HOXC4: variants seen among roughly 807,000 people sequenced by gnomAD.
HOXC4 encodes homeobox C4.
HOXC4 carries 15 observed loss-of-function variants against 25.5 expected under a neutral mutation model. The observed-to-expected ratio is 0.59, with a 90% confidence interval of 0.39 to 0.91. HOXC4 has a LOEUF of 0.91. Ranked by LOEUF, HOXC4 falls within the 40% of genes least tolerant of loss-of-function variation. The pLI is 0.00. For synonymous variants in HOXC4, 165 were observed against 148.0 expected (o/e 1.11, Z -0.83); for missense variants, 342 against 352.4 (o/e 0.97, Z 0.24).
chr12:54,055,228 C>T lies in HOXC4; in HGVS notation c.*23C>T. 2 of 1,325,132 alleles carry T rather than the reference C, an allele frequency of 1.5e-6. No homozygotes were observed. Among genetic ancestry groups the T allele is most frequent in the East Asian group, 2.6e-5 (1 of 38,904 alleles). The allele number at this position is 1,325,132 out of a possible 1,614,324, so 82.1% of individuals were successfully genotyped here. A position where few individuals can be genotyped will look rare whatever the true frequency, so the allele number is the denominator to read the frequency against. On this transcript the variant is annotated 3_prime_UTR_variant, in exon 2 of 2. Transcript: ENST00000430889. ...TAAAACATAACTCACACCCCTGCCCCCACCCCATGCCCCCACCCTCCCCTC... is the reference window on the plus strand; with the variant it reads ...TAAAACATAACTCACACCCCTGCCCTCACCCCATGCCCCCACCCTCCCCTC...
chr12:54,054,156 G>T lies in HOXC4; in HGVS notation c.234G>T (p.Ser78=), dbSNP rs756786325. Residue 78 remains serine, a synonymous_variant, in exon 1 of 2, where the codon TCG becomes TCT. Coordinates refer to ENST00000430889, the MANE Select transcript of HOXC4 (RefSeq NM_153633.3). ...SCTSLQGPGN[S]RGHGPAQAGH... is the part of the protein sequence containing the mutation. ...CCAGTCTCCAGGGGCCCGGCAATTCGCGAGGCCACGGGCCGGCCCAGGCGG... is the reference window on the plus strand; with the variant it reads ...CCAGTCTCCAGGGGCCCGGCAATTCTCGAGGCCACGGGCCGGCCCAGGCGG... 6.2e-7 allele frequency: 1 copy of T among 1,613,832 alleles called. No homozygotes were observed.
intron 1 of HOXC4, among the ~76,000 whole-genome samples, chr12:54,026,973 G>GA (rs1299383703): frequency 0.03 from 4,192 of 140,798 alleles, 212 homozygotes; most frequent in African/African-American, 0.099. Flanking sequence ...GTGGGGGGGG[G>GA]GGGATATGAG....
intron 1 of HOXC4, among the ~76,000 whole-genome samples, chr12:54,025,385 T>A (rs897126259): frequency 6.6e-6 from 1 of 151,964 alleles, no homozygotes; most frequent in South Asian, 2.1e-4. Context: ...AAAAAGAAAA[T>A]ATAATCCAAT....
rs1284432602 is a variant in HOXC4, at chr12:54,034,366, T to C, written c.-124+16952T>C. 7 of 1,614,230 alleles carry C rather than the reference T, an allele frequency of 4.3e-6. No homozygotes were observed. In the South Asian group the frequency reaches 7.7e-5, roughly 18 times the overall value. ...AATTCCACTTTAACCGCTACCTCAC[T>C]CGCCGCAGGCGCATAGAGATCGCCA... On this transcript the variant is annotated intron_variant, in intron 1 of 3. Coordinates refer to the HOXC4 transcript ENST00000303406.
chr12:54,050,960 C>A (rs1937830621), upstream of HOXC4, among the ~76,000 whole-genome samples: 1 of 152,076 alleles, frequency 6.6e-6, no homozygotes, highest in Non-Finnish European at 1.5e-5. Flanking sequence ...CATCTGAACC[C>A]TCTGTGTCTA....
chr12:54,035,881 G>C (rs552474341), intron 1 of HOXC4, among the ~76,000 whole-genome samples: 1 of 152,176 alleles, frequency 6.6e-6, no homozygotes, highest in Non-Finnish European at 1.5e-5. Context: ...TGGGAGAGTT[G>C]GAGGAGGTGT....
intron 1 of HOXC4, chr12:54,029,017 C>A: frequency 8.3e-7 from 1 of 1,207,956 alleles, no homozygotes; most frequent in Non-Finnish European, 1.1e-6. Context: ...TTTTTATGGC[C>A]CCATAAAAAC....
At chr12:54,018,031 AG>A (rs1240987023) in intron 1 of HOXC4, among the ~76,000 whole-genome samples, 2 of 151,930 alleles carry the variant, frequency 1.3e-5, no homozygotes, top group African/African-American at 4.8e-5. Context: ...ATTGGCAATT[AG>A]GGGGGAGGCT....
intron 1 of HOXC4, chr12:54,032,773 G>C (rs529403740): frequency 5.8e-6 from 1 of 171,678 alleles, no homozygotes; most frequent in African/African-American, 2.4e-5. Flanking sequence ...TTGTTGTCCC[G>C]GCTACCCCCA....
chr12:54,036,704 G>C (rs933871973), intron 1 of HOXC4, among the ~76,000 whole-genome samples: 1 of 152,150 alleles, frequency 6.6e-6, no homozygotes, highest in Non-Finnish European at 1.5e-5. Context: ...GAAATAAAAT[G>C]TGTAATTTTC....
intron 1 of HOXC4, chr12:54,029,722 G>A (rs958915325): frequency 1.2e-6 from 2 of 1,614,216 alleles, no homozygotes; most frequent in South Asian, 1.1e-5. Flanking sequence ...CCCTGGAACT[G>A]GAGAAGGAAT....
At chr12:54,049,747 TACACACACACACAC>T (rs10590659), upstream of HOXC4, among the ~76,000 whole-genome samples, 1,441 of 125,818 alleles carry the variant, frequency 0.011, 10 homozygotes, top group South Asian at 0.023. Context: ...GACAAACACA[TACACACACACACAC>T]ACACACACAC....
intron 1 of HOXC4, chr12:54,033,569 G>A (rs1457181077): frequency 1.3e-6 from 2 of 1,581,844 alleles, no homozygotes; most frequent in South Asian, 1.1e-5. Context: ...AACTGCACAT[G>A]AGCCACGGTA....
At position 54,055,312 on chromosome 12, in the gene HOXC4, AG is replaced by A. The variant is rs1937952580; in HGVS notation, c.*109del. On this transcript the variant is annotated 3_prime_UTR_variant, in exon 2 of 2. Coordinates refer to ENST00000430889, the MANE Select transcript of HOXC4 (RefSeq NM_153633.3). ...TATATATATATATATATATATATAT[AG>A]GTTCTTTTCTCTCTTCCTCTCACCT... 4.0e-6 allele frequency: 1 copy of A among 248,276 alleles called. No individual in the cohort carries two copies. The highest frequency in any genetic ancestry group is 2.9e-5 in the African/African-American group (1 of 34,690). The allele number at this position is 248,276 out of a possible 1,614,324, so 15.4% of individuals were successfully genotyped here.
At chr12:54,036,721 G>A (rs1052269347) in intron 1 of HOXC4, among the ~76,000 whole-genome samples, 1 of 152,144 alleles carries the variant, frequency 6.6e-6, no homozygotes, top group Non-Finnish European at 1.5e-5. Context: ...TTTCTTCAGG[G>A]AGTTATTTTA....
At chr12:54,033,339 C>T (rs772421092) in intron 1 of HOXC4, 3 of 1,612,932 alleles carry the variant, frequency 1.9e-6, no homozygotes, top group African/African-American at 1.3e-5. Flanking sequence ...TCACCCCGAC[C>T]GCCCCGCCTG....
At chr12:54,022,184 C>G (rs577158938) in intron 1 of HOXC4, 1 of 152,276 alleles carries the variant, frequency 6.6e-6, no homozygotes, top group African/African-American at 2.4e-5. Context: ...CCCCACTACC[C>G]CACTCCTTTC....
intron 1 of HOXC4, among the ~76,000 whole-genome samples, chr12:54,043,469 T>G (rs1303125413): frequency 6.6e-6 from 1 of 152,128 alleles, no homozygotes; most frequent in East Asian, 1.9e-4. Flanking sequence ...AAGGATGGTA[T>G]GGTAGAGGTC....
intron 1 of HOXC4, among the ~76,000 whole-genome samples, chr12:54,039,806 G>A (rs1342704828): frequency 6.6e-6 from 1 of 151,914 alleles, no homozygotes; most frequent in Admixed American, 6.6e-5. Context: ...AGCCAGGGCC[G>A]AAGTCCCACA....
Sources: allele counts gnomAD v4.1 joint callset (sites outside exome capture counted in the v4.1 genomes callset), GRCh38; gene constraint gnomAD v4.1.1; transcripts MANE v1.5; gene names NCBI Gene and HGNC (gene_info 2026-07-23, HGNC 2026-07-21).